UGGT1: variants seen among roughly 807,000 people sequenced by gnomAD.
The protein encoded by UGGT1 is UDP-glucose:glycoprotein glucosyltransferase 1.
A neutral mutation model predicts 203.9 loss-of-function variants in UGGT1; 107 were observed. The observed-to-expected ratio is 0.52, with a 90% CI of 0.45 to 0.62. The LOEUF (loss-of-function observed/expected upper bound fraction) is 0.62, where lower values mean the gene tolerates loss of function less well. UGGT1 is among the 20% of genes least tolerant of loss of function. UGGT1 has a pLI of 0.00. For synonymous variants in UGGT1, 628 were observed against 653.5 expected, an observed-to-expected ratio of 0.96 and a Z score of 0.59; for missense variants, 1,673 against 1,867.2, an observed-to-expected ratio of 0.90 and a Z score of 1.92.
At chr2:128,093,135 TG>T (rs1396110948) in intron 1 of UGGT1, among the ~76,000 whole-genome samples, 4 of 152,224 alleles carry the variant, frequency 2.6e-5, no homozygotes, top group African/African-American at 9.6e-5. Flanking sequence ...TCTTTTTTAA[TG>T]TATAGCTTTC....
chr2:128,174,988 G>T, intron 31 of UGGT1, 130 bp downstream of exon 31: 1 of 674,070 alleles, frequency 1.5e-6, no homozygotes, highest in Non-Finnish European at 2.4e-6. Flanking sequence ...ATGAAACAGT[G>T]GTTTTTCCAG....
At position 128,182,037 on chromosome 2, in the gene UGGT1, A is replaced by G. The variant is rs914385293; in HGVS notation, c.4084-93A>G. 7.7e-6 allele frequency: 10 copies of G among 1,302,458 alleles called. No individual in the cohort carries two copies. The East Asian group carries it at 1.4e-4, about 18-fold the overall frequency. 80.7% of individuals were successfully genotyped at this position (1,302,458 alleles called of 1,614,324 possible). A position where few individuals can be genotyped will look rare whatever the true frequency, so the allele number is the denominator to read the frequency against. On this transcript the variant is annotated intron_variant, in intron 36 of 40. Coordinates refer to ENST00000259253, the MANE Select transcript of UGGT1 (RefSeq NM_020120.4). Reference sequence around the variant, plus strand: ...GCCACTAACCACGGAGCAGCCTTCCATGCTGCCTTAAGCGAGCCACTCTGT... The same window carrying G: ...GCCACTAACCACGGAGCAGCCTTCCGTGCTGCCTTAAGCGAGCCACTCTGT...
chr2:128,169,416 A>T (rs1341846476), intron 26 of UGGT1, among the ~76,000 whole-genome samples: 1 of 152,064 alleles, frequency 6.6e-6, no homozygotes, highest in African/African-American at 2.4e-5. Flanking sequence ...TCTATCTATA[A>T]CTTAATGCTG....
chr2:128,135,352 C>G (rs1400112318), intron 15 of UGGT1, among the ~76,000 whole-genome samples: 3 of 152,214 alleles, frequency 2.0e-5, no homozygotes, highest in Non-Finnish European at 4.4e-5. Context: ...TTTGTAGATG[C>G]AAACAGTAAC....
chr2:128,183,699 G>A lies in UGGT1; in HGVS notation c.4269G>A (p.Lys1423=). Residue 1423 remains lysine (K), a synonymous_variant, in exon 38 of 41, where the codon AAG becomes AAA. Coordinates refer to ENST00000259253, the MANE Select transcript of UGGT1 (RefSeq NM_020120.4). The stretch of plus-strand genomic sequence containing the variant: ...GTGCACTATATGTTGTGGATCTGAA[G>A]AAGTTTAGGAAAATAGCTGCTGGTG... ...HISALYVVDL[K]KFRKIAAGDR... is the part of the protein sequence containing the mutation. 1 of 1,614,024 alleles carries A rather than the reference G, an allele frequency of 6.2e-7. No individual in the cohort carries two copies. The highest frequency in any genetic ancestry group is 2.2e-5 in the East Asian group (1 of 44,876).
Position 128,123,223 on chromosome 2 carries a change from A to G in UGGT1, c.1111A>G (p.Thr371Ala). The G allele has an allele frequency of 1.9e-6, 3 of 1,613,612 alleles. No individual in the cohort carries two copies. The East Asian group carries it at 6.7e-5, about 36-fold the overall frequency. ...AACAGCTGTGAGCTCAGAACTTAGA[A>G]CCGAAGTGGAAGAGAATCAGAAGGT... The part of the protein sequence containing the change: ...TKTAVSSELR[T>A]EVEENQKYFK... Residue 371 changes from threonine (T) to alanine (A), a missense_variant, in exon 11 of 41, where the codon ACC becomes GCC. Thr to Ala is a moderately conservative substitution (Grantham distance 58). Around this residue, in one of 4 missense-constraint regions of UGGT1, gnomAD observed 1,073 missense variants for 1,078.7 expected, o/e 0.99. Coordinates refer to ENST00000259253, the MANE Select transcript of UGGT1 (RefSeq NM_020120.4).
intron 34 of UGGT1, 113 bp from the exon 35 acceptor site, chr2:128,179,673 A>G (rs1691582312): frequency 2.4e-6 from 2 of 821,390 alleles, no homozygotes; most frequent in African/African-American, 3.6e-5. Context: ...TAATTGAGCC[A>G]TTAGTTAGCT....
rs1460893321 is a variant in UGGT1 at position 128,160,590 on chromosome 2, G to T, written c.2693G>T (p.Arg898Met). Residue 898 changes from arginine to methionine, a missense_variant and splice_region_variant, in exon 24 of 41, where the codon AGG becomes ATG. By Grantham distance (91) the Arg-to-Met change is moderately conservative (BLOSUM62 -1). Coordinates refer to ENST00000259253, the MANE Select transcript of UGGT1 (RefSeq NM_020120.4). The stretch of plus-strand genomic sequence containing the variant: ...CAGAGGGCAGTGATCAGCAATGGAA[G>T]GGTGAGGATTTGTCAAGCTTGACTT... The part of the protein sequence containing the change: ...KGQRAVISNG[R>M]IIGPLEDSEL... 6.2e-7 allele frequency: 1 copy of T among 1,610,508 alleles called. No homozygotes were observed. Among genetic ancestry groups the T allele is most frequent in the Non-Finnish European group, 8.5e-7 (1 of 1,178,186 alleles).
In UGGT1 at chr2:128,127,030, C is replaced by A. The variant is rs756832813; in HGVS notation, c.1135-331C>A. ...CTGATGGTGCTGTGCACTCAGCCAG[C>A]GAGTGAGTAGATGTGAATTCCTCTC... On this transcript the variant is annotated intron_variant, in intron 11 of 40. Coordinates refer to ENST00000259253, the MANE Select transcript of UGGT1 (RefSeq NM_020120.4). Among the ~76,000 whole-genome samples the A allele has an allele frequency of 7.4e-4, 113 of 152,082 alleles. 1 individual carries two copies. Among genetic ancestry groups the A allele is most frequent in the Admixed American group, 4.8e-3 (74 of 15,258 alleles).
chr2:128,164,930 C>A, intron 26 of UGGT1, 105 bp downstream of exon 26: 1 of 818,810 alleles, frequency 1.2e-6, no homozygotes, highest in Non-Finnish European at 1.8e-6. Flanking sequence ...TATATAAGTT[C>A]TTACAGGAAT....
Position 128,097,410 on chromosome 2 carries a change from T to C in UGGT1, c.59-19T>C. 1 of 1,582,606 alleles carries C rather than the reference T, an allele frequency of 6.3e-7. No homozygotes were observed. Among genetic ancestry groups the C allele is most frequent in the African/African-American group, 1.4e-5 (1 of 72,794 alleles). On this transcript the variant is annotated intron_variant, in intron 1 of 40. Transcript: ENST00000259253. ...AAAATTTCCTTGTAGCAAAACTTCT[T>C]TTCTTTTTTTCCTTTTAGGAGTTTG...
In UGGT1 at chr2:128,128,502, T is replaced by C. The variant is rs917694926; in HGVS notation, c.1227-527T>C. Among the ~76,000 whole-genome samples the C allele has an allele frequency of 4.6e-5, 7 of 152,054 alleles. No individual in the cohort carries two copies. The South Asian group carries it at 8.3e-4, about 18-fold the overall frequency. ...ATTTTTTTTGTATTTTTAGTGGAGA[T>C]GGGGTTTCACCATGTTGGCCAGGCT... On this transcript the variant is annotated intron_variant, in intron 12 of 40. Coordinates refer to ENST00000259253, the MANE Select transcript of UGGT1 (RefSeq NM_020120.4).
Position 128,143,079 on chromosome 2 carries a change from T to C in UGGT1, c.1720-15T>C, listed in dbSNP as rs1377757062. ...CTTAAAAGTGTAGTTAACCAACTGT[T>C]TTTTCTTTCTTCAGATCTATAACAA... On this transcript the variant is annotated splice_polypyrimidine_tract_variant and intron_variant, in intron 16 of 40. Transcript: ENST00000259253. The C allele has an allele frequency of 6.4e-7, 1 of 1,574,722 alleles. No individual in the cohort carries two copies. The highest frequency in any genetic ancestry group is 8.6e-7 in the Non-Finnish European group (1 of 1,163,858).
chr2:128,132,641 G>C (rs1190401855), intron 13 of UGGT1, among the ~76,000 whole-genome samples: 1 of 152,134 alleles, frequency 6.6e-6, no homozygotes, highest in Non-Finnish European at 1.5e-5. Context: ...GGGTTTGTAG[G>C]TTACAAATGT....
chr2:128,104,009 A>G lies in UGGT1; in HGVS notation c.272A>G (p.His91Arg), dbSNP rs755482688. 18 of 1,565,462 alleles carry G rather than the reference A, an allele frequency of 1.1e-5. No homozygotes were observed. The Admixed American group carries it at 3.4e-4, about 30-fold the overall frequency. ...AGTCAAAATATTGGATCATCAGATC[A>G]TGACGGTAAAATTGAAGCAAATGCT... ...EASQNIGSSD[H>R]DGTDYSYYHA... The change falls in exon 3 of 41, where the codon CAT becomes CGT. Residue 91 changes from histidine to arginine, a missense_variant. Transcript: ENST00000259253.
In UGGT1 at chr2:128,134,907, C is replaced by T. The variant is rs1689063024; in HGVS notation, c.1529C>T (p.Thr510Ile). The change falls in exon 15 of 41, where the codon ACA (threonine) becomes ATA (isoleucine). Residue 510 changes from threonine (T) to isoleucine (I), a missense_variant. Around this residue, in one of 4 missense-constraint regions of UGGT1, gnomAD observed 1,073 missense variants for 1,078.7 expected, o/e 0.99. Transcript: ENST00000259253. ...VFIVDPAHET[T>I]AELMNTAEMF... ...ATAGTTGATCCTGCACATGAGACCA[C>T]AGCAGAGTTGATGAACACAGCTGAG... 2 of 1,613,952 alleles carry T rather than the reference C, an allele frequency of 1.2e-6. No individual in the cohort carries two copies. Among genetic ancestry groups the T allele is most frequent in the African/African-American group, 1.3e-5 (1 of 75,068 alleles).
intron 21 of UGGT1, 90 bp from the exon 22 acceptor site, chr2:128,157,162 A>G: frequency 2.1e-6 from 2 of 936,792 alleles, no homozygotes. Context: ...GGTTCTTACA[A>G]ATTATTTGGT....
intron 17 of UGGT1, among the ~76,000 whole-genome samples, chr2:128,144,860 A>G (rs1302477728): frequency 2.0e-5 from 3 of 152,352 alleles, no homozygotes; most frequent in East Asian, 1.9e-4. Context: ...TGCTATTTTC[A>G]GAAAATGGCA....
intron 4 of UGGT1, 143 bp from the exon 5 acceptor site, chr2:128,109,491 G>A (rs1375450048): frequency 7.4e-6 from 5 of 671,346 alleles, no homozygotes; most frequent in Non-Finnish European, 1.3e-5. Flanking sequence ...CAAAGTGCTG[G>A]GATTACAGGC....
Sources: allele counts gnomAD v4.1 joint callset (sites outside exome capture counted in the v4.1 genomes callset), GRCh38; gene constraint gnomAD v4.1.1; regional missense constraint gnomAD v4.1.1; transcripts MANE v1.5; gene names NCBI Gene and HGNC (gene_info 2026-07-23, HGNC 2026-07-21).